LAPTM4B: variants seen among roughly 807,000 people sequenced by gnomAD.
LAPTM4B encodes lysosomal protein transmembrane 4 beta.
In LAPTM4B, 26 loss-of-function variants were observed where a neutral mutation model predicts 28.5. The observed-to-expected ratio is 0.91, with a 90% CI of 0.67 to 1.27. The LOEUF is 1.27. Among genes scored for constraint, LAPTM4B ranks in the 50% most tolerant of loss-of-function variants. LAPTM4B has a pLI of 0.00. For synonymous variants in LAPTM4B, 109 were observed against 106.4 expected (o/e 1.02, Z -0.15); for missense variants, 288 against 285.8 (o/e 1.01, Z -0.06).
At chr8:97,831,316 C>A (rs1586341324) in intron 6 of LAPTM4B, among the ~76,000 whole-genome samples, 1 of 152,110 alleles carries the variant, frequency 6.6e-6, no homozygotes, top group East Asian at 1.9e-4. Context: ...AAGGCTTCAA[C>A]CCATCTGGTA....
intron 5 of LAPTM4B, among the ~76,000 whole-genome samples, chr8:97,823,680 A>G (rs1234953976): frequency 7.9e-6 from 1 of 126,524 alleles, no homozygotes; most frequent in Non-Finnish European, 1.6e-5. Context: ...CAGTCCCATT[A>G]TTATTATTAT....
intron 5 of LAPTM4B, among the ~76,000 whole-genome samples, chr8:97,821,321 A>G (rs536000861): frequency 1.7e-3 from 204 of 118,354 alleles, no homozygotes; most frequent in Non-Finnish European, 3.1e-3. Flanking sequence ...GGGCGACTCC[A>G]TCTCAAAAAA....
At chr8:97,799,422 G>C (rs114536963) in intron 1 of LAPTM4B, among the ~76,000 whole-genome samples, 305 of 152,304 alleles carry the variant, frequency 2.0e-3, no homozygotes, top group African/African-American at 7.1e-3. Context: ...AAAAGCAGAT[G>C]AGTCGTTTCA....
chr8:97,789,040 TTATTTATTTATTTATTTATTTATTTA>T, intron 1 of LAPTM4B, among the ~76,000 whole-genome samples: 1 of 7,954 alleles, frequency 1.3e-4, no homozygotes, highest in African/African-American at 2.0e-4. Context: ...TGCTCACTCT[TTATTTATTTATTTATTTATTTATTTA>T]TTTATTTATT....
intron 1 of LAPTM4B, among the ~76,000 whole-genome samples, chr8:97,797,623 G>C (rs1307303660): frequency 6.6e-6 from 1 of 152,102 alleles, no homozygotes; most frequent in African/African-American, 2.4e-5. Flanking sequence ...ATCATTTTTG[G>C]ATACAACCTG....
At chr8:97,820,089 G>A (rs1227851284) in intron 5 of LAPTM4B, among the ~76,000 whole-genome samples, 1 of 152,094 alleles carries the variant, frequency 6.6e-6, no homozygotes, top group East Asian at 1.9e-4. Flanking sequence ...TTGATAGGTT[G>A]TCAAATTGAT....
At chr8:97,803,553 T>C (rs1816720792) in intron 1 of LAPTM4B, among the ~76,000 whole-genome samples, 1 of 151,924 alleles carries the variant, frequency 6.6e-6, no homozygotes, top group South Asian at 2.1e-4. Flanking sequence ...GGATTACAGG[T>C]GTGAGCCACC....
At chr8:97,803,913 G>C (rs1380046026) in intron 1 of LAPTM4B, among the ~76,000 whole-genome samples, 1 of 152,222 alleles carries the variant, frequency 6.6e-6, no homozygotes, top group South Asian at 2.1e-4. Context: ...AAAGTGCTGG[G>C]ATTACAGACA....
chr8:97,805,390 C>G lies in LAPTM4B; in HGVS notation c.137C>G (p.Ala46Gly). ...GTGGTACTGTTGATTTTATTGAGTGCCCTGGCTGATCCGGATCAGTATAAC... is the reference window on the plus strand; with the variant it reads ...GTGGTACTGTTGATTTTATTGAGTGGCCTGGCTGATCCGGATCAGTATAAC... Reference protein sequence around the residue: ...NAVVLLILLSALADPDQYNFS... With the variant: ...NAVVLLILLSGLADPDQYNFS... The change falls in exon 2 of 7, where the codon GCC becomes GGC. Residue 46 changes from alanine (A) to glycine (G), a missense_variant. Physicochemically the swap from Ala to Gly is moderately conservative, Grantham distance 60 (BLOSUM62 0). Transcript: ENST00000521545. 6.2e-7 allele frequency: 1 copy of G among 1,600,984 alleles called. No homozygotes were observed.
intron 6 of LAPTM4B, among the ~76,000 whole-genome samples, chr8:97,848,846 C>T (rs1488630814): frequency 1.3e-5 from 2 of 152,204 alleles, no homozygotes; most frequent in African/African-American, 2.4e-5. Flanking sequence ...TGCACACACA[C>T]GTATGTGCGC....
At chr8:97,839,766 A>G (rs1386738936) in intron 6 of LAPTM4B, among the ~76,000 whole-genome samples, 1 of 152,220 alleles carries the variant, frequency 6.6e-6, no homozygotes, top group African/African-American at 2.4e-5. Flanking sequence ...CACACACACA[A>G]CTTATTTAAT....
chr8:97,803,083 C>T (rs1055128695), intron 1 of LAPTM4B, among the ~76,000 whole-genome samples: 1 of 151,590 alleles, frequency 6.6e-6, no homozygotes, highest in East Asian at 2.0e-4. Context: ...CTTGTAACCC[C>T]AGCTACTCGA....
At chr8:97,840,220 T>C (rs141586476) in intron 6 of LAPTM4B, among the ~76,000 whole-genome samples, 109 of 152,376 alleles carry the variant, frequency 7.2e-4, no homozygotes, top group African/African-American at 2.5e-3. Flanking sequence ...TACTTCAGTG[T>C]GTAGAACCAT....
intron 1 of LAPTM4B, among the ~76,000 whole-genome samples, chr8:97,804,455 T>C (rs2129768997): frequency 6.6e-6 from 1 of 152,328 alleles, no homozygotes; most frequent in Middle Eastern, 3.4e-3. Flanking sequence ...GGTTAGGTTT[T>C]GGAACCTAAA....
At chr8:97,850,055 G>T (rs1018733671) in intron 6 of LAPTM4B, among the ~76,000 whole-genome samples, 1 of 151,824 alleles carries the variant, frequency 6.6e-6, no homozygotes, top group South Asian at 2.1e-4. Context: ...CTCCCTAGCC[G>T]TGTCTCAGCC....
At chr8:97,833,611 T>C (rs1817217328) in intron 6 of LAPTM4B, among the ~76,000 whole-genome samples, 1 of 152,190 alleles carries the variant, frequency 6.6e-6, no homozygotes, top group South Asian at 2.1e-4. Flanking sequence ...TGATTCTGAT[T>C]GCATGCCTCT....
chr8:97,818,670 T>G (rs1563613627), intron 4 of LAPTM4B, among the ~76,000 whole-genome samples: 1 of 152,152 alleles, frequency 6.6e-6, no homozygotes, highest in African/African-American at 2.4e-5. Context: ...TTAGTAGGTT[T>G]CTGTCCCTTG....
At chr8:97,797,292 G>A (rs767170404) in intron 1 of LAPTM4B, among the ~76,000 whole-genome samples, 5 of 151,898 alleles carry the variant, frequency 3.3e-5, no homozygotes, top group South Asian at 2.1e-4. Context: ...GCGCCACCAC[G>A]CACGGCTAAT....
At chr8:97,836,200 G>GT (rs1232993064) in intron 6 of LAPTM4B, among the ~76,000 whole-genome samples, 1 of 151,968 alleles carries the variant, frequency 6.6e-6, no homozygotes, top group Middle Eastern at 3.4e-3. Context: ...GTTTTGTTTT[G>GT]TTTTTTGAGT....
Sources: allele counts gnomAD v4.1 joint callset (sites outside exome capture counted in the v4.1 genomes callset), GRCh38; gene constraint gnomAD v4.1.1; transcripts MANE v1.5; gene names NCBI Gene and HGNC (gene_info 2026-07-23, HGNC 2026-07-21).